NLGN4Y: variants seen among roughly 807,000 people sequenced by gnomAD.
NLGN4Y encodes the protein neuroligin-4, Y-linked.
NLGN4Y carries 4 observed loss-of-function variants against 8.4 expected under a neutral mutation model. The observed-to-expected ratio is 0.48, with a 90% CI of 0.23 to 1.09. NLGN4Y has a LOEUF of 1.09. NLGN4Y is among the 50% of genes least tolerant of loss of function. The pLI, the probability that NLGN4Y is intolerant of heterozygous loss-of-function variation, is 0.19. For synonymous variants in NLGN4Y, 35 were observed against 75.6 expected, an observed-to-expected ratio of 0.46 and a Z score of 2.78; for missense variants, 90 against 192.3, an observed-to-expected ratio of 0.47 and a Z score of 3.15.
chrY:14,796,430 A>G (rs747713761), intron 4 of NLGN4Y, among the ~76,000 whole-genome samples: 1 of 31,857 alleles, frequency 3.1e-5, no homozygotes, highest in East Asian at 8.4e-4. Flanking sequence ...CGTGTCTACT[A>G]AAAATACAAA....
chrY:14,754,610 C>A (rs2081051533), intron 4 of NLGN4Y, among the ~76,000 whole-genome samples: 2 of 32,921 alleles, frequency 6.1e-5, no homozygotes, highest in Non-Finnish European at 1.5e-4. Flanking sequence ...TCTGATAAAT[C>A]TTGCTGTTGT....
intron 2 of NLGN4Y, among the ~76,000 whole-genome samples, chrY:14,700,011 T>C: frequency 5.9e-5 from 2 of 33,645 alleles, no homozygotes; most frequent in African/African-American, 2.3e-4. Context: ...CATAAATGGA[T>C]ATTAAAATGG....
chrY:14,833,825 A>G (rs2043188308), intron 6 of NLGN4Y, among the ~76,000 whole-genome samples: 1 of 33,128 alleles, frequency 3.0e-5, no homozygotes, highest in Non-Finnish European at 7.4e-5. Context: ...TACATCGCTC[A>G]TGCTGGGAGC....
intron 2 of NLGN4Y, among the ~76,000 whole-genome samples, chrY:14,653,805 CT>C (rs2080639188): frequency 5.9e-5 from 2 of 33,873 alleles, no homozygotes; most frequent in Non-Finnish European, 1.5e-4. Context: ...CCATCTCATC[CT>C]CCCAAAGTGC....
At chrY:14,794,212 T>C in intron 4 of NLGN4Y, among the ~76,000 whole-genome samples, 1 of 32,880 alleles carries the variant, frequency 3.0e-5, no homozygotes, top group Admixed American at 2.8e-4. Flanking sequence ...TATGTACAGC[T>C]TGAATTTAAA....
chrY:14,540,436 G>T, intron 1 of NLGN4Y, among the ~76,000 whole-genome samples: 1 of 33,307 alleles, frequency 3.0e-5, no homozygotes, highest in African/African-American at 1.2e-4. Flanking sequence ...TGGCTCTGAA[G>T]AGAGCAAAGG....
intron 5 of NLGN4Y, among the ~76,000 whole-genome samples, chrY:14,825,106 C>G: frequency 1.2e-4 from 4 of 32,810 alleles, no homozygotes; most frequent in Admixed American, 1.1e-3. Flanking sequence ...CACATTAATT[C>G]TTTAAATCTT....
chrY:14,807,591 C>A, intron 4 of NLGN4Y, among the ~76,000 whole-genome samples: 1 of 33,078 alleles, frequency 3.0e-5, no homozygotes, highest in Non-Finnish European at 7.4e-5. Flanking sequence ...ACTGTGGCAA[C>A]ATTTTCCCCC....
chrY:14,542,407 C>A, intron 1 of NLGN4Y, among the ~76,000 whole-genome samples: 1 of 33,236 alleles, frequency 3.0e-5, no homozygotes, highest in Non-Finnish European at 7.4e-5. Flanking sequence ...AGAAAATTAG[C>A]AAGGATATTC....
chrY:14,656,721 CTT>C (rs777403348), intron 2 of NLGN4Y, among the ~76,000 whole-genome samples: 8 of 20,354 alleles, frequency 3.9e-4, no homozygotes, highest in African/African-American at 1.7e-3. Context: ...GTGTATTAAG[CTT>C]TTTTTTTTTT....
chrY:14,624,128 A>G (rs2150508806), intron 2 of NLGN4Y, among the ~76,000 whole-genome samples: 1 of 33,947 alleles, frequency 2.9e-5, no homozygotes, highest in Non-Finnish European at 7.3e-5. Flanking sequence ...ATTCAAACCA[A>G]AAGTAAAAAG....
At chrY:14,761,104 C>T in intron 4 of NLGN4Y, among the ~76,000 whole-genome samples, 1 of 33,316 alleles carries the variant, frequency 3.0e-5, no homozygotes, top group African/African-American at 1.2e-4. Context: ...ACAAACAGAT[C>T]ACTATCACAG....
At chrY:14,552,838 G>A in intron 1 of NLGN4Y, among the ~76,000 whole-genome samples, 1 of 33,859 alleles carries the variant, frequency 3.0e-5, no homozygotes, top group South Asian at 6.5e-4. Flanking sequence ...AAAGCTGGAA[G>A]CATTCCCTTT....
Position 14,804,821 on chromosome Y carries a change from T to C in NLGN4Y, c.686-19367T>C. On this transcript the variant is annotated intron_variant, in intron 4 of 6. Transcript: ENST00000684976. ...AAGCACACAACCTACATCCCTCGCA[T>C]GTGCCGTCTCAATAGGATTTCCGCT... is the stretch of plus-strand genomic sequence containing the variant. Among the ~76,000 whole-genome samples, 6 of 33,479 alleles carry C rather than the reference T, an allele frequency of 1.8e-4. No individual in the cohort carries two copies. The South Asian group carries it at 4.0e-3, about 23-fold the overall frequency. The allele number at this position is 33,479 out of a possible 37,273, so 89.8% of individuals were successfully genotyped here. A position where few individuals can be genotyped will look rare whatever the true frequency, so the allele number is the denominator to read the frequency against.
chrY:14,749,581 A>T, intron 4 of NLGN4Y, among the ~76,000 whole-genome samples: 1 of 33,803 alleles, frequency 3.0e-5, no homozygotes, highest in Non-Finnish European at 7.3e-5. Context: ...ATCATGAAGG[A>T]TGCTATTCTG....
At chrY:14,627,545 C>T in intron 2 of NLGN4Y, among the ~76,000 whole-genome samples, 1 of 35,015 alleles carries the variant, frequency 2.9e-5, no homozygotes, top group Non-Finnish European at 7.3e-5. Context: ...GAGTGCTAAG[C>T]CCCTTTCTGC....
chrY:14,751,502 C>T (rs777937689), intron 4 of NLGN4Y, among the ~76,000 whole-genome samples: 1 of 32,183 alleles, frequency 3.1e-5, no homozygotes, highest in Admixed American at 2.9e-4. Context: ...ATTTATTGGC[C>T]GTTTGTTTTT....
intron 1 of NLGN4Y, among the ~76,000 whole-genome samples, chrY:14,621,564 C>T (rs939098258): frequency 6.0e-5 from 2 of 33,464 alleles, no homozygotes; most frequent in African/African-American, 1.2e-4. Flanking sequence ...GTGACTGACG[C>T]GTGTTATCCC....
intron 1 of NLGN4Y, among the ~76,000 whole-genome samples, chrY:14,563,114 T>C (rs2080240169): frequency 2.9e-5 from 1 of 34,122 alleles, no homozygotes; most frequent in Admixed American, 2.7e-4. Flanking sequence ...GGCATCCTTC[T>C]CTTGTGACGG....
Sources: allele counts gnomAD v4.1 joint callset (sites outside exome capture counted in the v4.1 genomes callset), GRCh38; gene constraint gnomAD v4.1.1; transcripts MANE v1.5; gene names NCBI Gene and HGNC (gene_info 2026-07-23, HGNC 2026-07-21).